The following TSPEAR variants were observed in gnomAD, a reference collection of about 807,000 sequenced individuals.
TSPEAR encodes the protein thrombospondin-type laminin G domain and EAR repeat-containing protein.
TSPEAR carries 69 observed loss-of-function variants against 71.6 expected under a neutral mutation model. The observed-to-expected ratio is 0.96, with a 90% CI of 0.79 to 1.18. TSPEAR has a LOEUF of 1.18. TSPEAR is among the 50% of genes most tolerant of loss of function. The pLI is 0.00. For missense variants in TSPEAR, 971 were observed against 894.9 expected, an observed-to-expected ratio of 1.09 and a Z score of -1.09; for synonymous variants, 402 against 387.2, an observed-to-expected ratio of 1.04 and a Z score of -0.45.
At chr21:44,515,683 G>A (rs2052543771) in intron 9 of TSPEAR, 1 of 152,154 alleles carries the variant, frequency 6.6e-6, no homozygotes, top group Non-Finnish European at 1.5e-5. Context: ...GCCTGAAAAT[G>A]TAGAGTGGCC....
At chr21:44,527,572 A>G in intron 6 of TSPEAR, 54 bp from the exon 7 acceptor site, 1 of 1,582,968 alleles carries the variant, frequency 6.3e-7, no homozygotes, top group South Asian at 1.1e-5. Flanking sequence ...GGAAATCCAG[A>G]GCAATCCTCG....
chr21:44,640,768 A>G (rs1002798075), intron 1 of TSPEAR, among the ~76,000 whole-genome samples: 50 of 152,260 alleles, frequency 3.3e-4, no homozygotes, highest in African/African-American at 1.1e-3. Flanking sequence ...AAAGAAAGGC[A>G]GAAGGACTCT....
chr21:44,605,966 GA>G (rs1479710314), intron 1 of TSPEAR, among the ~76,000 whole-genome samples: 7 of 151,704 alleles, frequency 4.6e-5, no homozygotes, highest in Non-Finnish European at 1.0e-4. Context: ...TGCATCAAAC[GA>G]AAAAGCTGTA....
intron 9 of TSPEAR, 82 bp downstream of exon 9, chr21:44,521,801 C>T (rs1427969508): frequency 6.7e-6 from 9 of 1,344,044 alleles, no homozygotes; most frequent in South Asian, 2.5e-5. Flanking sequence ...GGACCCCCAG[C>T]CCACATCACC....
At chr21:44,511,762 C>T (rs587755742) in intron 9 of TSPEAR, among the ~76,000 whole-genome samples, 88 of 152,350 alleles carry the variant, frequency 5.8e-4, no homozygotes, top group African/African-American at 1.7e-3. Context: ...GATGGACTGC[C>T]GGGGCCAGAA....
chr21:44,607,949 G>A (rs1422261791), intron 1 of TSPEAR, among the ~76,000 whole-genome samples: 3 of 152,074 alleles, frequency 2.0e-5, no homozygotes, highest in South Asian at 2.1e-4. Context: ...TGTGTCCATC[G>A]ACACATGGGT....
At chr21:44,572,963 C>T (rs1978289355) in intron 1 of TSPEAR, among the ~76,000 whole-genome samples, 1 of 151,152 alleles carries the variant, frequency 6.6e-6, no homozygotes, top group South Asian at 2.1e-4. Flanking sequence ...TAGCAGCAGC[C>T]CACAGGAGTG....
chr21:44,688,849 T>C (rs1986980973), intron 1 of TSPEAR, among the ~76,000 whole-genome samples: 1 of 151,950 alleles, frequency 6.6e-6, no homozygotes, highest in East Asian at 1.9e-4. Context: ...AGGGCTGCAG[T>C]GGAGAGGGGG....
intron 2 of TSPEAR, chr21:44,540,028 G>A (rs782815600): frequency 1.9e-6 from 3 of 1,613,108 alleles, no homozygotes; most frequent in Non-Finnish European, 2.5e-6. Flanking sequence ...GGGTCAGGCA[G>A]GGGGCCGGGG....
intron 1 of TSPEAR, chr21:44,579,513 G>A (rs587721509): frequency 4.8e-5 from 28 of 579,316 alleles, no homozygotes; most frequent in African/African-American, 4.1e-4. Context: ...GGTTCAAGTC[G>A]AGGCCAAGTG....
chr21:44,552,360 A>C (rs2053456364), intron 2 of TSPEAR, among the ~76,000 whole-genome samples: 2 of 152,156 alleles, frequency 1.3e-5, no homozygotes, highest in African/African-American at 4.8e-5. Flanking sequence ...TTGGGGCCTG[A>C]GCCCAGCATG....
rs1555913192 is a variant in TSPEAR, at chr21:44,515,019, C to T, written c.1567-5633G>A. On this transcript the variant is annotated intron_variant, in intron 9 of 11. Coordinates refer to ENST00000323084, the MANE Select transcript of TSPEAR (RefSeq NM_144991.3). The stretch of plus-strand genomic sequence containing the variant: ...TCTGTGTGCACAGCTCCTCAAACCC[C>T]ACCTGCACCCCACACCCCCGCAGAC... Among the ~76,000 whole-genome samples the T allele has an allele frequency of 5.9e-5, 9 of 152,282 alleles. No individual in the cohort carries two copies. The South Asian group carries it at 1.7e-3, about 28-fold the overall frequency.
intron 9 of TSPEAR, chr21:44,518,169 T>C (rs2052642845): frequency 2.6e-6 from 1 of 379,322 alleles, no homozygotes; most frequent in Non-Finnish European, 5.3e-6. Flanking sequence ...TGAATACTTC[T>C]GAAGACAAGT....
intron 1 of TSPEAR, among the ~76,000 whole-genome samples, chr21:44,690,896 C>T (rs1339375067): frequency 6.6e-6 from 1 of 152,174 alleles, no homozygotes. Context: ...TACAGGTATG[C>T]ACCACCATGC....
intron 9 of TSPEAR, chr21:44,518,576 G>A (rs1469183870): frequency 4.3e-6 from 2 of 460,056 alleles, no homozygotes; most frequent in Non-Finnish European, 9.1e-6. Flanking sequence ...ACAGCTGTTA[G>A]GAGACCTTGC....
chr21:44,531,880 C>T (rs1045564092), intron 3 of TSPEAR, among the ~76,000 whole-genome samples: 1 of 152,210 alleles, frequency 6.6e-6, no homozygotes, highest in African/African-American at 2.4e-5. Flanking sequence ...TGAGGGACAG[C>T]GTGGCTAGAG....
Position 44,499,082 on chromosome 21 carries a change from A to T in TSPEAR, c.*701T>A, listed in dbSNP as rs2051978527. The stretch of plus-strand genomic sequence containing the variant: ...TTAAAATGCTGCTGAATAGGGAAAA[A>T]ATCCCGGGCCCAGAAGTTGAGGTCC... On this transcript the variant is annotated 3_prime_UTR_variant, in exon 12 of 12. Transcript: ENST00000323084. 1 of 152,240 alleles carries T rather than the reference A, an allele frequency of 6.6e-6. No homozygotes were observed. The highest frequency in any genetic ancestry group is 6.5e-5 in the Admixed American group (1 of 15,276). 9.4% of individuals were successfully genotyped at this position (152,240 alleles called of 1,614,324 possible).
At chr21:44,550,088 A>C (rs8133293) in intron 2 of TSPEAR, among the ~76,000 whole-genome samples, 1 of 142,268 alleles carries the variant, frequency 7.0e-6, no homozygotes, top group Non-Finnish European at 1.6e-5. Flanking sequence ...GCTTCTACCC[A>C]CAGTGCGTGG....
At chr21:44,708,774 C>A (rs1555953006) in intron 1 of TSPEAR, among the ~76,000 whole-genome samples, 1 of 152,218 alleles carries the variant, frequency 6.6e-6, no homozygotes, top group African/African-American at 2.4e-5. Context: ...GCAGGCACAG[C>A]CCGCGGGACC....
Sources: gnomAD v4.1 joint callset for allele counts (sites outside exome capture counted in the v4.1 genomes callset) on GRCh38, gnomAD v4.1.1 for gene constraint, MANE v1.5 for transcripts, NCBI Gene and HGNC (gene_info 2026-07-23, HGNC 2026-07-21) for gene names.